HNRNPL: variants seen among roughly 807,000 people sequenced by gnomAD.
HNRNPL encodes epididymis secretory sperm binding protein.
A neutral mutation model predicts 64.0 loss-of-function variants in HNRNPL; 12 were observed. The ratio of observed to expected loss-of-function variants is 0.19; its 90% CI spans 0.12 to 0.30. The LOEUF is 0.30. Ranked by LOEUF, HNRNPL falls within the 10% of genes least tolerant of loss-of-function variation. The probability of loss-of-function intolerance (pLI) is 1.00; values close to 1 mark genes in which losing one functional copy is unlikely to be tolerated. For missense variants in HNRNPL, 484 were observed against 797.4 expected (o/e 0.61, Z 4.73); for synonymous variants, 385 against 313.0 (o/e 1.23, Z -2.43).
chr19:38,850,672 G>T (rs1231064157), upstream of HNRNPL, among the ~76,000 whole-genome samples: 1 of 152,224 alleles, frequency 6.6e-6, no homozygotes, highest in Non-Finnish European at 1.5e-5. Context: ...CGCTGTGTGT[G>T]CGCCGGAAGG....
chr19:38,841,424 G>GT (rs746387559), intron 6 of HNRNPL: 1 of 367,908 alleles, frequency 2.7e-6, no homozygotes, highest in Non-Finnish European at 5.4e-6. Context: ...AAGCAAGACA[G>GT]TGGCTGAGCC....
At chr19:38,844,465 T>C (rs1600061581) in intron 4 of HNRNPL, among the ~76,000 whole-genome samples, 2 of 152,114 alleles carry the variant, frequency 1.3e-5, no homozygotes, top group African/African-American at 2.4e-5. Flanking sequence ...CATCAGTGGC[T>C]TTTTCCTGCC....
chr19:38,840,890 G>A lies in HNRNPL; in HGVS notation c.881-331C>T, dbSNP rs533533601. On this transcript the variant is annotated intron_variant, in intron 6 of 12. Coordinates refer to ENST00000221419, the MANE Select transcript of HNRNPL (RefSeq NM_001533.3). ...TGGGGAATGTGCAGCTGCTACAGAA[G>A]CTGATATATTATGGCGGGCCAAAAG... is the stretch of plus-strand genomic sequence containing the variant. The A allele has an allele frequency of 1.1e-5, 4 of 353,614 alleles. 1 individual carries two copies. In the South Asian group the frequency reaches 1.5e-4, roughly 13 times the overall value. 21.9% of individuals were successfully genotyped at this position (353,614 alleles called of 1,614,324 possible).
rs1264317436 is a variant in HNRNPL, at chr19:38,846,851, T to C, written c.386+465A>G. On this transcript the variant is annotated intron_variant, in intron 2 of 12. Coordinates refer to ENST00000221419, the MANE Select transcript of HNRNPL (RefSeq NM_001533.3). ...TGAACCCACGAGACAAAGCTTGCAG[T>C]GAGCTGAGATTGTCACTGCACTCCA... is the stretch of plus-strand genomic sequence containing the variant. Among the ~76,000 whole-genome samples, 5 of 151,808 alleles carry C rather than the reference T, an allele frequency of 3.3e-5. No homozygotes were observed. The East Asian group carries it at 7.7e-4, about 23-fold the overall frequency.
intron 6 of HNRNPL, chr19:38,841,705 C>CA: frequency 8.6e-7 from 1 of 1,163,778 alleles, no homozygotes; most frequent in South Asian, 1.3e-5. Flanking sequence ...GTTTTACAGT[C>CA]ATAAATACAA....
intron 8 of HNRNPL, 156 bp from the exon 9 acceptor site, chr19:38,839,171 G>A (rs1972027492): frequency 1.9e-5 from 16 of 851,310 alleles, no homozygotes; most frequent in Non-Finnish European, 2.4e-5. Context: ...CACACCAAGT[G>A]CTCAACCCAT....
chr19:38,850,491 C>G (rs1413401404), upstream of HNRNPL, among the ~76,000 whole-genome samples: 2 of 152,194 alleles, frequency 1.3e-5, no homozygotes, highest in African/African-American at 4.8e-5. Context: ...GTGGAGCGCA[C>G]CCTCTCACCA....
rs781038386 is a variant in HNRNPL at position 38,845,870 on chromosome 19, T to C, written c.607A>G (p.Ile203Val). The C allele has an allele frequency of 6.2e-6, 10 of 1,613,800 alleles. No homozygotes were observed. The highest frequency in any genetic ancestry group is 4.0e-5 in the African/African-American group (3 of 74,906). ...GCACGTACCGTGGTGATCGAATAAATGGGGTTCAGGATGGTAAAGAGAAGC... is the reference window on the plus strand; with the variant it reads ...GCACGTACCGTGGTGATCGAATAAACGGGGTTCAGGATGGTAAAGAGAAGC... ...SVLLFTILNP[I>V]YSITTDVLYT... The change falls in exon 3 of 13, where the codon ATT becomes GTT. Residue 203 changes from isoleucine (I) to valine (V), a missense_variant. Physicochemically the swap from Ile to Val is conservative, Grantham distance 29 (BLOSUM62 3). Transcript: ENST00000221419.
At chr19:38,850,483 G>T (rs1972473784), upstream of HNRNPL, 1 of 154,454 alleles carries the variant, frequency 6.5e-6, no homozygotes, top group African/African-American at 2.4e-5. Context: ...AATGGAGAGT[G>T]GAGCGCACCC....
chr19:38,839,059 G>C, intron 8 of HNRNPL, 44 bp from the exon 9 acceptor site: 1 of 1,608,528 alleles, frequency 6.2e-7, no homozygotes, highest in Non-Finnish European at 8.5e-7. Context: ...CCAGCTGCCA[G>C]GGTCCCCTCT....
chr19:38,846,931 T>C (rs1268577496), intron 2 of HNRNPL, among the ~76,000 whole-genome samples: 2 of 150,722 alleles, frequency 1.3e-5, no homozygotes, highest in African/African-American at 2.5e-5. Flanking sequence ...ACAAAAAATA[T>C]ATATATGTAA....
chr19:38,838,684 C>T (rs1972010719), intron 9 of HNRNPL, 86 bp from the exon 10 acceptor site: 3 of 1,414,596 alleles, frequency 2.1e-6, no homozygotes, highest in African/African-American at 2.8e-5. Flanking sequence ...GCTTAGCTTG[C>T]CCTGTGTGCC....
At chr19:38,838,178 G>A (rs1467896311) in intron 10 of HNRNPL, among the ~76,000 whole-genome samples, 4 of 152,210 alleles carry the variant, frequency 2.6e-5, no homozygotes, top group East Asian at 3.8e-4. Context: ...GAAGGAACGC[G>A]GCAAATGGTG....
Position 38,845,796 on chromosome 19 carries a change from G to A in HNRNPL, c.624+57C>T, listed in dbSNP as rs1972273002. 23 of 1,595,262 alleles carry A rather than the reference G, an allele frequency of 1.4e-5. No individual in the cohort carries two copies. The South Asian group carries it at 1.5e-4, about 11-fold the overall frequency. Reference sequence around the variant, plus strand: ...TGGCAGATCAGTCTGGCTTGGGGGAGGGAATAAGGGGAGAAAAGGAAGGGA... The same window carrying A: ...TGGCAGATCAGTCTGGCTTGGGGGAAGGAATAAGGGGAGAAAAGGAAGGGA... On this transcript the variant is annotated intron_variant, in intron 3 of 12. Transcript: ENST00000221419.
At chr19:38,843,056 A>G (rs1972167766) in intron 6 of HNRNPL, among the ~76,000 whole-genome samples, 1 of 152,034 alleles carries the variant, frequency 6.6e-6, no homozygotes, top group Non-Finnish European at 1.5e-5. Context: ...CGAGCAAGAC[A>G]GGCCTGCCTA....
In HNRNPL at chr19:38,849,890, C is replaced by T. The variant is rs1418568345; in HGVS notation, c.77G>A (p.Arg26Gln). Residue 26 changes from arginine to glutamine, a missense_variant, in exon 1 of 13, where the codon CGG (arginine) becomes CAG (glutamine). Physicochemically the swap from Arg to Gln is conservative, Grantham distance 43 (BLOSUM62 1). Around this residue, in one of 9 missense-constraint regions of HNRNPL, gnomAD observed 190 missense variants for 160.1 expected, o/e 1.19. Coordinates refer to ENST00000221419, the MANE Select transcript of HNRNPL (RefSeq NM_001533.3). ...CTTCACCATCGCTCCCGACCGCCTC[C>T]GCTGCTCGTCCGGCTGCTGCCTCTG... is the stretch of plus-strand genomic sequence containing the variant. ...LEQRQQPDEQ[R>Q]RRSGAMVKMA... 1.6e-6 allele frequency: 2 copies of T among 1,251,058 alleles called. No homozygotes were observed. The highest frequency in any genetic ancestry group is 1.3e-5 in the South Asian group (1 of 78,814). The allele number at this position is 1,251,058 out of a possible 1,614,324, so 77.5% of individuals were successfully genotyped here. A position where few individuals can be genotyped will look rare whatever the true frequency, so the allele number is the denominator to read the frequency against.
intron 1 of HNRNPL, among the ~76,000 whole-genome samples, chr19:38,848,426 C>A (rs1315676555): frequency 2.6e-5 from 4 of 152,182 alleles, no homozygotes; most frequent in Non-Finnish European, 5.9e-5. Flanking sequence ...AGACTCCAAC[C>A]CATACCATTA....
At chr19:38,837,148 A>G in intron 12 of HNRNPL, 1 of 577,032 alleles carries the variant, frequency 1.7e-6, no homozygotes, top group Non-Finnish European at 3.1e-6. Context: ...ACCTCCCTGG[A>G]GGACAAGCCT....
Position 38,849,727 on chromosome 19 carries a change from G to T in HNRNPL, c.240C>A (p.Ala80=), listed in dbSNP as rs958260012. 1.3e-5 allele frequency: 18 copies of T among 1,372,722 alleles called. No homozygotes were observed. Among genetic ancestry groups the T allele is most frequent in the Non-Finnish European group, 1.6e-5 (17 of 1,069,802 alleles). The allele number at this position is 1,372,722 out of a possible 1,614,324, so 85.0% of individuals were successfully genotyped here. The change falls in exon 1 of 13, where the codon GCC becomes GCA. Residue 80 remains alanine (A), a synonymous_variant. Coordinates refer to ENST00000221419, the MANE Select transcript of HNRNPL (RefSeq NM_001533.3). ...CACCGCCGCCGCCGCCCGCCGCCCC[G>T]GCTCCTCCACCGCCACCGCCGCCGC... is the stretch of plus-strand genomic sequence containing the variant. ...HGGGGGGGGG[A]GAAGGGGGGE...
Sources: gnomAD v4.1 joint callset for allele counts (sites outside exome capture counted in the v4.1 genomes callset) on GRCh38, gnomAD v4.1.1 for gene constraint, gnomAD v4.1.1 regional missense constraint, MANE v1.5 for transcripts, NCBI Gene and HGNC (gene_info 2026-07-23, HGNC 2026-07-21) for gene names.